IL1RAPL2: variants seen among roughly 807,000 people sequenced by gnomAD.
IL1RAPL2 encodes the protein X-linked interleukin-1 receptor accessory protein-like 2.
IL1RAPL2 carries 3 observed loss-of-function variants against 44.1 expected under a neutral mutation model. The ratio of observed to expected loss-of-function variants is 0.07; its 90% CI spans 0.03 to 0.18. The LOEUF is 0.18. Among genes scored for constraint, IL1RAPL2 ranks in the 10% least tolerant of loss-of-function variants. The pLI is 1.00. For synonymous variants in IL1RAPL2, 181 were observed against 178.8 expected, an observed-to-expected ratio of 1.01 and a Z score of -0.10; for missense variants, 391 against 496.4, an observed-to-expected ratio of 0.79 and a Z score of 2.02.
intron 2 of IL1RAPL2, among the ~76,000 whole-genome samples, chrX:105,048,436 A>G (rs143897151): frequency 4.4e-4 from 49 of 112,468 alleles, no homozygotes; most frequent in African/African-American, 1.5e-3. Context: ...ACTAAAAAAT[A>G]TAAAATAAAA....
intron 2 of IL1RAPL2, among the ~76,000 whole-genome samples, chrX:105,190,309 A>G (rs1163561197): frequency 3.6e-5 from 4 of 112,004 alleles, no homozygotes; most frequent in Non-Finnish European, 7.5e-5. Context: ...GTCACCTACA[A>G]TGGTGCATCC....
At chrX:105,107,077 C>G (rs940790956) in intron 2 of IL1RAPL2, among the ~76,000 whole-genome samples, 1 of 112,368 alleles carries the variant, frequency 8.9e-6, no homozygotes, top group African/African-American at 3.2e-5. Flanking sequence ...TTCTCTTTAT[C>G]ACATTGCTAT....
intron 2 of IL1RAPL2, among the ~76,000 whole-genome samples, chrX:105,099,605 C>T (rs1282782925): frequency 7.5e-5 from 8 of 106,014 alleles, no homozygotes; most frequent in African/African-American, 2.8e-4. Context: ...GCTGGGACTA[C>T]AGGCGCCCGC....
intron 2 of IL1RAPL2, among the ~76,000 whole-genome samples, chrX:104,946,129 T>C (rs1249150917): frequency 1.9e-5 from 2 of 106,672 alleles, no homozygotes; most frequent in Non-Finnish European, 3.8e-5. Context: ...TCCCAGCACT[T>C]TGGGAGGCCG....
At chrX:104,910,330 GGGAACTGTAGACT>G (rs1237600463) in intron 2 of IL1RAPL2, among the ~76,000 whole-genome samples, 1 of 112,200 alleles carries the variant, frequency 8.9e-6, no homozygotes, top group Non-Finnish European at 1.9e-5. Context: ...TGCTCGTGCT[GGGAACTGTAGACT>G]GGAGCTGTTC....
At chrX:105,252,039 A>G in intron 4 of IL1RAPL2, among the ~76,000 whole-genome samples, 1 of 111,460 alleles carries the variant, frequency 9.0e-6, no homozygotes, top group South Asian at 3.7e-4. Flanking sequence ...TAGTCAAGAT[A>G]TGGAACAGTT....
At chrX:105,341,405 C>A (rs2035069030) in intron 5 of IL1RAPL2, among the ~76,000 whole-genome samples, 1 of 109,214 alleles carries the variant, frequency 9.2e-6, no homozygotes, top group Admixed American at 9.9e-5. Context: ...TAAAAATAAG[C>A]ATGATTGTTT....
intron 2 of IL1RAPL2, among the ~76,000 whole-genome samples, chrX:104,679,007 A>T (rs1221447118): frequency 8.9e-6 from 1 of 112,211 alleles, no homozygotes; most frequent in Non-Finnish European, 1.9e-5. Flanking sequence ...TAAAGAGCTG[A>T]TCAATTTGTG....
chrX:104,645,365 C>A (rs922081075), intron 1 of IL1RAPL2, among the ~76,000 whole-genome samples: 2 of 111,715 alleles, frequency 1.8e-5, no homozygotes, highest in African/African-American at 6.5e-5. Flanking sequence ...CCCTGATCAC[C>A]TCACCAGTGT....
intron 2 of IL1RAPL2, among the ~76,000 whole-genome samples, chrX:104,749,095 T>C (rs1220720264): frequency 9.0e-6 from 1 of 111,214 alleles, no homozygotes; most frequent in Admixed American, 9.6e-5. Context: ...AAGGATTTTA[T>C]TTAGAGTGTG....
intron 2 of IL1RAPL2, among the ~76,000 whole-genome samples, chrX:104,761,892 TCC>T (rs1236013892): frequency 3.2e-4 from 18 of 56,740 alleles, no homozygotes; most frequent in African/African-American, 1.7e-3. Context: ...CTTCTCCTTC[TCC>T]TTCTCCTTCT....
chrX:104,950,141 T>C (rs897420655), intron 2 of IL1RAPL2, among the ~76,000 whole-genome samples: 4 of 112,049 alleles, frequency 3.6e-5, no homozygotes, highest in Admixed American at 9.4e-5. Flanking sequence ...TAGTTAGCTC[T>C]TCTTGTTGAA....
At chrX:105,091,191 C>G (rs1161335894) in intron 2 of IL1RAPL2, among the ~76,000 whole-genome samples, 1 of 112,311 alleles carries the variant, frequency 8.9e-6, no homozygotes, top group East Asian at 2.8e-4. Flanking sequence ...CCTGATCATA[C>G]TCTAGCTTTC....
chrX:104,863,106 T>C (rs1223128742), intron 2 of IL1RAPL2, among the ~76,000 whole-genome samples: 4 of 111,895 alleles, frequency 3.6e-5, no homozygotes, highest in Non-Finnish European at 7.5e-5. Context: ...GCTAGACAGT[T>C]GGAGGATGTA....
chrX:105,471,078 T>G (rs1187961723), intron 5 of IL1RAPL2, among the ~76,000 whole-genome samples: 1 of 112,447 alleles, frequency 8.9e-6, no homozygotes, highest in Non-Finnish European at 1.9e-5. Context: ...CAGCTCGATG[T>G]TCTCTTTAAT....
chrX:104,569,181 T>C (rs1928098861), intron 1 of IL1RAPL2, among the ~76,000 whole-genome samples: 1 of 111,769 alleles, frequency 8.9e-6, no homozygotes, highest in South Asian at 3.8e-4. Flanking sequence ...GGGTTGAGGA[T>C]TTAAATCCGG....
At chrX:104,797,511 C>T (rs1399078361) in intron 2 of IL1RAPL2, among the ~76,000 whole-genome samples, 2 of 111,603 alleles carry the variant, frequency 1.8e-5, no homozygotes, top group Non-Finnish European at 3.8e-5. Context: ...ATGTGTTGTG[C>T]ATGTTAGGAT....
At chrX:105,739,198 A>G (rs1447588762) in intron 7 of IL1RAPL2, among the ~76,000 whole-genome samples, 1 of 111,356 alleles carries the variant, frequency 9.0e-6, no homozygotes, top group Non-Finnish European at 1.9e-5. Context: ...CCATGATGCA[A>G]AAATCCAATT....
At position 104,983,654 on chromosome X, in the gene IL1RAPL2, GTACATAATATATACATAATATTATA is replaced by G. The variant is rs1162527031; in HGVS notation, c.83-211810_83-211786del. Among the ~76,000 whole-genome samples, 620 of 93,524 alleles carry G rather than the reference GTACATAATATATACATAATATTATA, an allele frequency of 6.6e-3. 15 individuals carry two copies. The East Asian group carries it at 0.083, about 12-fold the overall frequency. 81.2% of individuals were successfully genotyped at this position (93,524 alleles called of 115,157 possible). On this transcript the variant is annotated intron_variant, in intron 2 of 10. Coordinates refer to ENST00000372582, the MANE Select transcript of IL1RAPL2 (RefSeq NM_017416.2). ...TAATATATTATACATATAATATTAT[GTACATAATATATACATAATATTATA>G]TACATAATATTAACATAATATTATA...
Sources: allele counts gnomAD v4.1 joint callset (sites outside exome capture counted in the v4.1 genomes callset), GRCh38; gene constraint gnomAD v4.1.1; transcripts MANE v1.5; gene names NCBI Gene and HGNC (gene_info 2026-07-23, HGNC 2026-07-21).